Variants in ASIC2 observed in about 807,000 individuals in gnomAD.
ASIC2 encodes the protein acid-sensing ion channel 2.
Under a neutral mutation model 57.3 loss-of-function variants are expected in ASIC2, and 25 were observed. The ratio of observed to expected loss-of-function variants is 0.44; its 90% confidence interval spans 0.32 to 0.61. ASIC2 has a LOEUF of 0.61. Among genes scored for constraint, ASIC2 ranks in the 20% least tolerant of loss-of-function variants. ASIC2 has a pLI of 0.06. For synonymous variants in ASIC2, 319 were observed against 307.5 expected (o/e 1.04, Z -0.39); for missense variants, 641 against 738.1 (o/e 0.87, Z 1.52).
chr17:33,622,976 C>T (rs1004561876), intron 1 of ASIC2, among the ~76,000 whole-genome samples: 6 of 152,106 alleles, frequency 3.9e-5, no homozygotes, highest in African/African-American at 9.7e-5. Flanking sequence ...GTTCATTGGT[C>T]GAATTTTTTA....
In ASIC2 at chr17:33,994,733, A is replaced by G. The variant is rs548610930; in HGVS notation, c.555+161245T>C. Among the ~76,000 whole-genome samples, 4 of 152,228 alleles carry G rather than the reference A, an allele frequency of 2.6e-5. 1 individual carries two copies. The highest frequency in any genetic ancestry group is 9.6e-5 in the African/African-American group (4 of 41,530). ...GTATCTAGTGGTCTTCTTGACTGTG[A>G]ACCCACTAGAAAGGATTAGGGAAGC... On this transcript the variant is annotated intron_variant, in intron 1 of 9. Transcript: ENST00000359872.
chr17:33,194,328 T>A (rs544335759), intron 1 of ASIC2, among the ~76,000 whole-genome samples: 1 of 152,358 alleles, frequency 6.6e-6, no homozygotes, highest in South Asian at 2.1e-4. Context: ...TCTTGTGTCT[T>A]CCTAGCATGT....
chr17:34,137,247 G>A (rs556648911), intron 1 of ASIC2, among the ~76,000 whole-genome samples: 1 of 152,340 alleles, frequency 6.6e-6, no homozygotes, highest in East Asian at 1.9e-4. Context: ...CAAAATGAAT[G>A]AATAAGTGGA....
At chr17:33,743,684 A>C (rs923944933) in intron 1 of ASIC2, among the ~76,000 whole-genome samples, 11 of 152,216 alleles carry the variant, frequency 7.2e-5, no homozygotes, top group African/African-American at 2.7e-4. Flanking sequence ...TTGGATTTCA[A>C]TCACAACACG....
intron 1 of ASIC2, among the ~76,000 whole-genome samples, chr17:33,425,266 G>T (rs1247003026): frequency 6.6e-6 from 1 of 152,200 alleles, no homozygotes; most frequent in Non-Finnish European, 1.5e-5. Flanking sequence ...GGCACATAGA[G>T]ACCTTGAGAA....
intron 1 of ASIC2, 200 bp downstream of exon 1, chr17:33,291,208 C>A: frequency 8.3e-7 from 1 of 1,206,504 alleles, no homozygotes; most frequent in South Asian, 2.0e-5. Flanking sequence ...TGGGAGGCGA[C>A]TCCTCCTACA....
At chr17:33,837,649 C>T (rs1171324766) in intron 1 of ASIC2, among the ~76,000 whole-genome samples, 2 of 152,182 alleles carry the variant, frequency 1.3e-5, no homozygotes, top group Admixed American at 1.3e-4. Context: ...GCATAGTAGT[C>T]TATTGTCTGC....
At chr17:33,205,542 CAG>C (rs1394823295) in intron 1 of ASIC2, among the ~76,000 whole-genome samples, 1 of 152,284 alleles carries the variant, frequency 6.6e-6, no homozygotes, top group East Asian at 1.9e-4. Flanking sequence ...CATTTGAAAA[CAG>C]ATTTCACTAT....
intron 1 of ASIC2, among the ~76,000 whole-genome samples, chr17:33,806,553 G>T (rs1489863482): frequency 6.6e-6 from 1 of 152,210 alleles, no homozygotes. Context: ...TAAGGAGCCT[G>T]CTTCTTTAAA....
intron 1 of ASIC2, among the ~76,000 whole-genome samples, chr17:33,177,808 G>A (rs1211751250): frequency 6.6e-6 from 1 of 152,136 alleles, no homozygotes; most frequent in Admixed American, 6.6e-5. Flanking sequence ...GAAATAACAT[G>A]TCTTGAACAC....
At chr17:33,774,064 C>A (rs1358214815) in intron 1 of ASIC2, among the ~76,000 whole-genome samples, 2 of 152,118 alleles carry the variant, frequency 1.3e-5, no homozygotes, top group Admixed American at 6.6e-5. Context: ...AAGTTACTGA[C>A]ATTTTAAATG....
At chr17:33,060,156 T>G (rs985959758) in intron 3 of ASIC2, among the ~76,000 whole-genome samples, 1 of 152,254 alleles carries the variant, frequency 6.6e-6, no homozygotes, top group Admixed American at 6.5e-5. Context: ...GCAGAAGCTC[T>G]GTAGTTTAAT....
intron 1 of ASIC2, among the ~76,000 whole-genome samples, chr17:34,138,843 A>G (rs757176059): frequency 2.0e-5 from 3 of 152,164 alleles, no homozygotes; most frequent in Non-Finnish European, 4.4e-5. Context: ...CTGAGAATTA[A>G]TCATCCCTCA....
intron 1 of ASIC2, among the ~76,000 whole-genome samples, chr17:34,102,077 A>AGGC (rs1910885989): frequency 6.6e-6 from 1 of 152,200 alleles, no homozygotes; most frequent in South Asian, 2.1e-4. Context: ...TGGGAGGCTG[A>AGGC]GGCAGGTGGA....
chr17:33,326,404 A>G (rs1907082229), intron 1 of ASIC2, among the ~76,000 whole-genome samples: 2 of 152,242 alleles, frequency 1.3e-5, no homozygotes, highest in Admixed American at 1.3e-4. Context: ...TAGTGGAGTC[A>G]GATAAAATGC....
intron 1 of ASIC2, among the ~76,000 whole-genome samples, chr17:34,061,661 A>C (rs1243831015): frequency 6.6e-6 from 1 of 152,196 alleles, no homozygotes; most frequent in Non-Finnish European, 1.5e-5. Flanking sequence ...ACATAAACTT[A>C]AAGTAAAGGG....
chr17:33,579,698 T>C (rs1904343080), intron 1 of ASIC2, among the ~76,000 whole-genome samples: 2 of 152,200 alleles, frequency 1.3e-5, no homozygotes, highest in Admixed American at 1.3e-4. Context: ...CTACAGACCT[T>C]CGCAGCCAGC....
At position 33,025,883 on chromosome 17, in the gene ASIC2, G is replaced by C. The variant is rs773525063; in HGVS notation, c.1195+43C>G. The stretch of plus-strand genomic sequence containing the variant: ...GATGATTTCCATGATCTCAGTCTCA[G>C]GCCCCCGGCCCCCATGATTCCATCT... On this transcript the variant is annotated intron_variant, in intron 5 of 9. Coordinates refer to ENST00000225823, the MANE Select transcript of ASIC2 (RefSeq NM_183377.2). The C allele has an allele frequency of 4.5e-6, 7 of 1,539,880 alleles. No homozygotes were observed. In the Admixed American group the frequency reaches 1.4e-4, roughly 32 times the overall value.
At chr17:33,551,068 C>CT (rs1346289751) in intron 1 of ASIC2, among the ~76,000 whole-genome samples, 1 of 152,012 alleles carries the variant, frequency 6.6e-6, no homozygotes, top group Non-Finnish European at 1.5e-5. Flanking sequence ...TAATATTTAT[C>CT]TTAAGCTCAC....
Sources: gnomAD v4.1 joint callset for allele counts (sites outside exome capture counted in the v4.1 genomes callset) on GRCh38, gnomAD v4.1.1 for gene constraint, MANE v1.5 for transcripts, NCBI Gene and HGNC (gene_info 2026-07-23, HGNC 2026-07-21) for gene names.